TMEM131L: variants seen among roughly 807,000 people sequenced by gnomAD.
TMEM131L encodes transmembrane protein 131-like.
A neutral mutation model predicts 192.2 loss-of-function variants in TMEM131L; 54 were observed. The observed-to-expected ratio is 0.28, with a 90% confidence interval of 0.23 to 0.35. The LOEUF is 0.35. Among genes scored for constraint, TMEM131L ranks in the 10% least tolerant of loss-of-function variants. The pLI, the probability that TMEM131L is intolerant of heterozygous loss-of-function variation, is 1.00. For synonymous variants in TMEM131L, 701 were observed against 704.9 expected, an observed-to-expected ratio of 0.99 and a Z score of 0.09; for missense variants, 1,888 against 1,972.9, an observed-to-expected ratio of 0.96 and a Z score of 0.82.
In TMEM131L at chr4:153,632,742, G is replaced by C; in HGVS notation, c.4232G>C (p.Trp1411Ser). ...GGTCTTTACTCACCTGGAGACCTGT[G>C]GCCCACTCCGCCAGTGTGTGTGACA... Reference protein sequence around the residue: ...DKGLYSPGDLWPTPPVCVTSS... With the variant: ...DKGLYSPGDLSPTPPVCVTSS... Residue 1411 changes from tryptophan (W) to serine (S), a missense_variant, in exon 32 of 35, where the codon TGG becomes TCG. Coordinates refer to ENST00000409959, the MANE Select transcript of TMEM131L (RefSeq NM_001131007.2). 6.2e-7 allele frequency: 1 copy of C among 1,614,080 alleles called. No homozygotes were observed. Among genetic ancestry groups the C allele is most frequent in the Non-Finnish European group, 8.5e-7 (1 of 1,180,006 alleles).
At position 153,545,290 on chromosome 4, in the gene TMEM131L, C is replaced by CTTTTTTTTTTTTT. The variant is rs59852943; in HGVS notation, c.240-4780_240-4768dup. ...CTCTTGTATCAGCCACTTTTTCAAACTTTTTTTTTTTTTTTGAGATGGAGT... is the reference window on the plus strand; with the variant it reads ...CTCTTGTATCAGCCACTTTTTCAAACTTTTTTTTTTTTTTTTTTTTTTTTTTTTGAGATGGAGT... On this transcript the variant is annotated intron_variant, in intron 3 of 34. Transcript: ENST00000409959. 9.8e-5 allele frequency among the ~76,000 whole-genome samples: 13 copies of CTTTTTTTTTTTTT among 132,332 alleles called. 1 individual carries two copies. The highest frequency in any genetic ancestry group is 3.9e-4 in the African/African-American group (13 of 33,542). The allele number at this position is 132,332 out of a possible 152,430, so 86.8% of individuals were successfully genotyped here.
At chr4:153,466,673 A>G (rs938973711) in intron 1 of TMEM131L, among the ~76,000 whole-genome samples, 152 bp downstream of exon 1, 5 of 152,022 alleles carry the variant, frequency 3.3e-5, no homozygotes, top group African/African-American at 9.7e-5. Flanking sequence ...CGCTGATAAC[A>G]TTTTCTGACC....
rs146918954 is a variant in TMEM131L at position 153,566,415 on chromosome 4, A to G, written c.660+8047A>G. Among the ~76,000 whole-genome samples, 98 of 152,248 alleles carry G rather than the reference A, an allele frequency of 6.4e-4. No homozygotes were observed. In the East Asian group the frequency reaches 0.012, roughly 19 times the overall value. ...CTCTCAAAGTGCCGGGATTACAGGC[A>G]TGAGCCACTGTGTCCGGCTGAAACT... On this transcript the variant is annotated intron_variant, in intron 7 of 34. Coordinates refer to ENST00000409959, the MANE Select transcript of TMEM131L (RefSeq NM_001131007.2).
chr4:153,523,128 G>A (rs1253217617), intron 3 of TMEM131L, among the ~76,000 whole-genome samples: 1 of 152,186 alleles, frequency 6.6e-6, no homozygotes, highest in Admixed American at 6.5e-5. Flanking sequence ...AGGATTACCT[G>A]TATTTTTAAC....
chr4:153,557,978 C>T (rs1728594808), intron 6 of TMEM131L, among the ~76,000 whole-genome samples: 1 of 152,170 alleles, frequency 6.6e-6, no homozygotes. Flanking sequence ...ACCATGTTGG[C>T]CAGGCTGGTC....
intron 3 of TMEM131L, among the ~76,000 whole-genome samples, chr4:153,493,597 T>C (rs1366278995): frequency 6.6e-6 from 1 of 151,934 alleles, no homozygotes; most frequent in African/African-American, 2.4e-5. Context: ...GAGGTGGAGG[T>C]TGCAGTGAGC....
intron 3 of TMEM131L, among the ~76,000 whole-genome samples, chr4:153,539,684 A>G (rs1736625395): frequency 6.6e-6 from 1 of 151,696 alleles, no homozygotes; most frequent in Non-Finnish European, 1.5e-5. Context: ...CGGCTCCTTT[A>G]CTCATGAGGC....
intron 7 of TMEM131L, among the ~76,000 whole-genome samples, chr4:153,573,332 T>C (rs1324998398): frequency 6.6e-6 from 1 of 152,252 alleles, no homozygotes; most frequent in South Asian, 2.1e-4. Flanking sequence ...GCAGCCTGCA[T>C]CACAAAGCTT....
At chr4:153,560,175 C>G (rs1728757706) in intron 7 of TMEM131L, among the ~76,000 whole-genome samples, 1 of 152,210 alleles carries the variant, frequency 6.6e-6, no homozygotes, top group South Asian at 2.1e-4. Flanking sequence ...CACATGCCCA[C>G]ATGATGTAAT....
intron 4 of TMEM131L, among the ~76,000 whole-genome samples, chr4:153,553,780 A>C (rs1737808519): frequency 6.6e-6 from 1 of 152,220 alleles, no homozygotes; most frequent in African/African-American, 2.4e-5. Flanking sequence ...GTTGGTCCTG[A>C]GATAAAAAGT....
intron 6 of TMEM131L, among the ~76,000 whole-genome samples, chr4:153,557,999 G>C (rs1452708343): frequency 6.6e-6 from 1 of 152,158 alleles, no homozygotes. Flanking sequence ...TCAAACTCCT[G>C]TCCTCAAATG....
chr4:153,527,358 C>T (rs766779761), intron 3 of TMEM131L, among the ~76,000 whole-genome samples: 26 of 152,164 alleles, frequency 1.7e-4, no homozygotes, highest in South Asian at 4.2e-4. Context: ...CTGCAGCCTC[C>T]GCCTCCTGGG....
chr4:153,501,240 C>T (rs911958337), intron 3 of TMEM131L, among the ~76,000 whole-genome samples: 2 of 141,952 alleles, frequency 1.4e-5, no homozygotes, highest in African/African-American at 2.7e-5. Flanking sequence ...GAGTCTCGCT[C>T]TGTCACCCAG....
chr4:153,579,510 C>A (rs535718855), intron 7 of TMEM131L, among the ~76,000 whole-genome samples: 3 of 152,206 alleles, frequency 2.0e-5, no homozygotes, highest in East Asian at 3.9e-4. Context: ...ATATTTTATT[C>A]TTTTTCTTAA....
intron 7 of TMEM131L, among the ~76,000 whole-genome samples, chr4:153,568,754 T>C (rs930717732): frequency 1.3e-5 from 2 of 152,250 alleles, no homozygotes; most frequent in East Asian, 1.9e-4. Context: ...TTAGAAACTT[T>C]TGTTAGAAGA....
Position 153,612,285 on chromosome 4 carries a change from T to C in TMEM131L, c.3452T>C (p.Val1151Ala), listed in dbSNP as rs1457153445. 4 of 1,587,088 alleles carry C rather than the reference T, an allele frequency of 2.5e-6. No homozygotes were observed. The highest frequency in any genetic ancestry group is 4.5e-5 in the East Asian group (2 of 44,014). ...NNQQVPVKNE[V>A]DHCENLKKVD... ...CAGCAAGTACCTGTCAAGAATGAAG[T>C]AGATCATTGTGAAAATTTGAAGAAG... The change falls in exon 26 of 35, where the codon GTA (valine) becomes GCA (alanine). Residue 1151 changes from valine to alanine, a missense_variant. By Grantham distance (64) the Val-to-Ala change is moderately conservative (BLOSUM62 0). Coordinates refer to ENST00000409959, the MANE Select transcript of TMEM131L (RefSeq NM_001131007.2).
intron 3 of TMEM131L, among the ~76,000 whole-genome samples, chr4:153,504,303 C>G (rs1580089601): frequency 3.2e-5 from 2 of 61,858 alleles, no homozygotes; most frequent in Admixed American, 2.5e-4. Context: ...TTTTTGGAGA[C>G]AGAGTCTCGC....
intron 3 of TMEM131L, among the ~76,000 whole-genome samples, chr4:153,495,668 A>C (rs1733125303): frequency 6.6e-6 from 1 of 152,172 alleles, no homozygotes; most frequent in Non-Finnish European, 1.5e-5. Context: ...TTCTGTCTCC[A>C]CCTGTGAAGA....
At chr4:153,475,395 C>G (rs377746993) in intron 3 of TMEM131L, among the ~76,000 whole-genome samples, 13 of 152,272 alleles carry the variant, frequency 8.5e-5, no homozygotes, top group African/African-American at 3.1e-4. Context: ...TCAGTACTTA[C>G]AAGCTTTTTC....
Sources: gnomAD v4.1 joint callset for allele counts (sites outside exome capture counted in the v4.1 genomes callset) on GRCh38, gnomAD v4.1.1 for gene constraint, MANE v1.5 for transcripts, NCBI Gene and HGNC (gene_info 2026-07-23, HGNC 2026-07-21) for gene names.